PRORP: variants seen among roughly 807,000 people sequenced by gnomAD.
PRORP encodes the protein mitochondrial ribonuclease P catalytic subunit.
In PRORP, 51 loss-of-function variants were observed where a neutral mutation model predicts 59.4. That is an observed-to-expected ratio of 0.86 (90% confidence interval 0.69 to 1.08). The LOEUF (loss-of-function observed/expected upper bound fraction) is 1.08, where lower values mean the gene tolerates loss of function less well. Among genes scored for constraint, PRORP ranks in the 50% least tolerant of loss-of-function variants. The pLI, the probability that PRORP is intolerant of heterozygous loss-of-function variation, is 0.00. For missense variants in PRORP, 646 were observed against 690.3 expected, an observed-to-expected ratio of 0.94 and a Z score of 0.72; for synonymous variants, 231 against 245.6, an observed-to-expected ratio of 0.94 and a Z score of 0.55.
At chr14:35,179,061 T>C (rs2048529816) in intron 4 of PRORP, among the ~76,000 whole-genome samples, 1 of 152,310 alleles carries the variant, frequency 6.6e-6, no homozygotes, top group Admixed American at 6.5e-5. Context: ...GAATGTTGAA[T>C]ATTGGCCCCC....
Position 35,123,165 on chromosome 14 carries a change from C to T in PRORP, c.-81C>T, listed in dbSNP as rs1385296876. 2.3e-5 allele frequency: 32 copies of T among 1,417,038 alleles called. No individual in the cohort carries two copies. Among genetic ancestry groups the T allele is most frequent in the African/African-American group, 4.3e-5 (3 of 69,908 alleles). 87.8% of individuals were successfully genotyped at this position (1,417,038 alleles called of 1,614,324 possible). A position where few individuals can be genotyped will look rare whatever the true frequency, so the allele number is the denominator to read the frequency against. On this transcript the variant is annotated 5_prime_UTR_variant, in exon 2 of 8. Coordinates refer to ENST00000534898, the MANE Select transcript of PRORP (RefSeq NM_014672.4). ...TTCCACTTCGACTCTGCACCGCCGACCCCCAATCTCTTTAATTTTGCCATA... is the reference window on the plus strand; with the variant it reads ...TTCCACTTCGACTCTGCACCGCCGATCCCCAATCTCTTTAATTTTGCCATA...
intron 5 of PRORP, among the ~76,000 whole-genome samples, chr14:35,186,123 C>CAT (rs2048734854): frequency 6.6e-6 from 1 of 151,016 alleles, no homozygotes; most frequent in Admixed American, 6.6e-5. Context: ...GCTGGGACTA[C>CAT]ATACACATGC....
intron 5 of PRORP, among the ~76,000 whole-genome samples, chr14:35,188,609 G>A (rs2048802840): frequency 6.6e-6 from 1 of 151,928 alleles, no homozygotes; most frequent in African/African-American, 2.4e-5. Context: ...TTTGAGGCAT[G>A]GAAGTTTTAG....
At chr14:35,250,156 G>T (rs775149196) in intron 5 of PRORP, among the ~76,000 whole-genome samples, 2 of 151,672 alleles carry the variant, frequency 1.3e-5, no homozygotes, top group Non-Finnish European at 2.9e-5. Context: ...GCTGAGGCAG[G>T]AGAATTGCCT....
chr14:35,239,906 C>G (rs2050317446), intron 5 of PRORP, among the ~76,000 whole-genome samples: 1 of 152,088 alleles, frequency 6.6e-6, no homozygotes, highest in East Asian at 1.9e-4. Flanking sequence ...GAAACCTTGT[C>G]TCTACTAAAA....
intron 4 of PRORP, among the ~76,000 whole-genome samples, chr14:35,134,813 C>A (rs2138820315): frequency 6.6e-6 from 1 of 152,314 alleles, no homozygotes; most frequent in South Asian, 2.1e-4. Context: ...CATGCCCCTA[C>A]CAGTCCACTG....
intron 5 of PRORP, among the ~76,000 whole-genome samples, chr14:35,255,437 C>CT (rs2050726804): frequency 6.6e-6 from 1 of 152,182 alleles, no homozygotes; most frequent in Admixed American, 6.6e-5. Context: ...GCTGGAATAA[C>CT]TGTTTTTTTA....
chr14:35,225,740 T>C (rs2049917573), intron 5 of PRORP, among the ~76,000 whole-genome samples: 2 of 151,984 alleles, frequency 1.3e-5, no homozygotes, highest in Admixed American at 6.6e-5. Context: ...CTATAAATTA[T>C]AGTGAAGAGT....
At chr14:35,127,721 C>A in intron 4 of PRORP, 110 bp downstream of exon 4, 1 of 1,113,910 alleles carries the variant, frequency 9.0e-7, no homozygotes, top group Non-Finnish European at 1.3e-6. Flanking sequence ...GGTCATCGGT[C>A]CCTGTTGCAA....
intron 5 of PRORP, among the ~76,000 whole-genome samples, chr14:35,251,205 CT>C (rs1377545336): frequency 6.6e-6 from 1 of 152,070 alleles, no homozygotes; most frequent in African/African-American, 2.4e-5. Flanking sequence ...TAATTCGTTC[CT>C]TTTTATGGCT....
intron 4 of PRORP, among the ~76,000 whole-genome samples, chr14:35,159,775 C>G (rs530036583): frequency 5.9e-5 from 9 of 152,112 alleles, no homozygotes; most frequent in African/African-American, 2.2e-4. Flanking sequence ...CAGAAAAGTT[C>G]GGTAACTTGC....
In PRORP at chr14:35,191,207, C is replaced by T. The variant is rs2048875152; in HGVS notation, c.1275+10430C>T. ...TGGGGGCAGTTTCCCTCATACTGTTCTTGTGGTAGTGAAGAAGTCTTACAA... is the reference window on the plus strand; with the variant it reads ...TGGGGGCAGTTTCCCTCATACTGTTTTTGTGGTAGTGAAGAAGTCTTACAA... On this transcript the variant is annotated intron_variant, in intron 5 of 7. Coordinates refer to ENST00000534898, the MANE Select transcript of PRORP (RefSeq NM_014672.4). Among the ~76,000 whole-genome samples the T allele has an allele frequency of 2.0e-5, 3 of 152,086 alleles. No homozygotes were observed. In the South Asian group the frequency reaches 6.2e-4, roughly 32 times the overall value.
intron 4 of PRORP, among the ~76,000 whole-genome samples, chr14:35,155,270 A>G (rs1318662635): frequency 2.0e-5 from 3 of 152,298 alleles, no homozygotes; most frequent in African/African-American, 7.2e-5. Context: ...TGCTTCAAAA[A>G]TAACTGGGAA....
rs1487240810 is a variant in PRORP, at chr14:35,270,894, TA to T, written c.1620+300del. ...GTCAGGAGATCGAGACCATCCTGGC[TA>T]ACACGGTGAAACCCCGTCTCTACTA... On this transcript the variant is annotated intron_variant, in intron 7 of 7. Transcript: ENST00000534898. Among the ~76,000 whole-genome samples the T allele has an allele frequency of 1.2e-4, 18 of 151,420 alleles. 1 individual carries two copies. The highest frequency in any genetic ancestry group is 4.4e-4 in the African/African-American group (18 of 41,214).
intron 5 of PRORP, among the ~76,000 whole-genome samples, chr14:35,231,219 T>C (rs2050071899): frequency 6.6e-6 from 1 of 152,182 alleles, no homozygotes; most frequent in Admixed American, 6.5e-5. Context: ...ACCAGTTGTC[T>C]TTTATTTGGT....
rs1279204498 is a variant in PRORP at position 35,123,867 on chromosome 14, T to G, written c.622T>G (p.Leu208Val). 6.2e-7 allele frequency: 1 copy of G among 1,614,006 alleles called. No individual in the cohort carries two copies. Among genetic ancestry groups the G allele is most frequent in the East Asian group, 2.2e-5 (1 of 44,896 alleles). ...AATTATGAAAGCCAGATATAAGACT[T>G]TAGAACCTAGAGGTTACAGTCTTCT... ...FEIMKARYKT[L>V]EPRGYSLLIR... is the part of the protein sequence containing the mutation. Residue 208 changes from leucine to valine, a missense_variant, in exon 2 of 8, where the codon TTA becomes GTA. Transcript: ENST00000534898.
chr14:35,147,068 A>G (rs1264762477), intron 4 of PRORP, among the ~76,000 whole-genome samples: 1 of 152,188 alleles, frequency 6.6e-6, no homozygotes, highest in Non-Finnish European at 1.5e-5. Flanking sequence ...ACTGAACTCC[A>G]GCCTGGGAGA....
intron 5 of PRORP, among the ~76,000 whole-genome samples, chr14:35,247,966 A>G (rs757681271): frequency 4.6e-5 from 7 of 152,162 alleles, no homozygotes; most frequent in Non-Finnish European, 1.0e-4. Context: ...GTTTTCTAAA[A>G]GGCTGGATGA....
chr14:35,121,951 C>T, upstream of PRORP: 2 of 1,614,196 alleles, frequency 1.2e-6, no homozygotes, highest in Non-Finnish European at 1.7e-6. Context: ...GAACTTCTTT[C>T]CAGTCCATGG....
Sources: allele counts gnomAD v4.1 joint callset (sites outside exome capture counted in the v4.1 genomes callset), GRCh38; gene constraint gnomAD v4.1.1; transcripts MANE v1.5; gene names NCBI Gene and HGNC (gene_info 2026-07-23, HGNC 2026-07-21).